Variants in FBN1 observed in about 807,000 individuals in gnomAD.
The protein encoded by FBN1 is fibrillin 1.
Under a neutral mutation model 365.1 loss-of-function variants are expected in FBN1, and 29 were observed. That is an observed-to-expected ratio of 0.08 (90% CI 0.06 to 0.11). The LOEUF (loss-of-function observed/expected upper bound fraction) is 0.11, where lower values mean the gene tolerates loss of function less well. FBN1 is among the 10% of genes least tolerant of loss of function. FBN1 has a pLI of 1.00. For missense variants in FBN1, 2,476 were observed against 3,703.2 expected (o/e 0.67, Z 8.60); for synonymous variants, 1,210 against 1,270.5 (o/e 0.95, Z 1.01).
At chr15:48,476,089 C>T (rs2043415995) in intron 32 of FBN1, among the ~76,000 whole-genome samples, 1 of 152,166 alleles carries the variant, frequency 6.6e-6, no homozygotes, top group South Asian at 2.1e-4. Flanking sequence ...GAGCATGGCA[C>T]ATTCCAAGGA....
At chr15:48,622,226 C>T (rs537943796) in intron 2 of FBN1, among the ~76,000 whole-genome samples, 3 of 152,298 alleles carry the variant, frequency 2.0e-5, no homozygotes, top group African/African-American at 7.2e-5. Flanking sequence ...GTGACTAAGA[C>T]ACACAGTCTT....
In FBN1 at chr15:48,468,114, A is replaced by G. The variant is rs1326100045; in HGVS notation, c.4583-12T>C. On this transcript the variant is annotated splice_polypyrimidine_tract_variant and intron_variant, in intron 37 of 65. Coordinates refer to ENST00000316623, the MANE Select transcript of FBN1 (RefSeq NM_000138.5). Reference sequence around the variant, plus strand: ...TCCAGAGCGGGTATCTATTTACCATATACAAACACAAAAGCATCAGGCAGA... The same window carrying G: ...TCCAGAGCGGGTATCTATTTACCATGTACAAACACAAAAGCATCAGGCAGA... 6.2e-7 allele frequency: 1 copy of G among 1,614,064 alleles called. No individual in the cohort carries two copies. Among genetic ancestry groups the G allele is most frequent in the Non-Finnish European group, 8.5e-7 (1 of 1,179,964 alleles).
intron 6 of FBN1, among the ~76,000 whole-genome samples, chr15:48,564,210 T>C (rs938045575): frequency 7.2e-5 from 11 of 152,166 alleles, no homozygotes; most frequent in African/African-American, 2.7e-4. Flanking sequence ...TGAACTTTGC[T>C]CACCCATCAC....
chr15:48,539,790 A>G (rs2044043425), intron 6 of FBN1, among the ~76,000 whole-genome samples: 1 of 147,084 alleles, frequency 6.8e-6, no homozygotes, highest in Admixed American at 6.7e-5. Flanking sequence ...TCTGTTTATC[A>G]TTTGTCTTTT....
At chr15:48,579,359 A>G (rs1317553884) in intron 6 of FBN1, among the ~76,000 whole-genome samples, 1 of 152,200 alleles carries the variant, frequency 6.6e-6, no homozygotes, top group Non-Finnish European at 1.5e-5. Flanking sequence ...ACAGTTATAT[A>G]ATTCCTGTTT....
chr15:48,581,183 T>C (rs188394510), intron 6 of FBN1, among the ~76,000 whole-genome samples: 44 of 152,340 alleles, frequency 2.9e-4, no homozygotes, highest in African/African-American at 9.1e-4. Context: ...GCCACTGTAA[T>C]TAGACAGTCA....
intron 33 of FBN1, 54 bp downstream of exon 33, chr15:48,474,474 T>A: frequency 1.2e-6 from 2 of 1,613,570 alleles, no homozygotes; most frequent in Non-Finnish European, 1.7e-6. Flanking sequence ...AATATTTTCA[T>A]ATGTGTAATC....
At chr15:48,506,923 T>G (rs2043713485) in intron 15 of FBN1, among the ~76,000 whole-genome samples, 2 of 152,124 alleles carry the variant, frequency 1.3e-5, no homozygotes, top group East Asian at 1.9e-4. Context: ...TGTGGAGCTC[T>G]CTCTCTCTCT....
chr15:48,416,745 A>G (rs2141216182), intron 63 of FBN1: 1 of 152,302 alleles, frequency 6.6e-6, no homozygotes, highest in Admixed American at 6.5e-5. Flanking sequence ...CTGCCTTTGC[A>G]GGGCAGGTTG....
chr15:48,427,205 T>C (rs1214561604), intron 58 of FBN1, among the ~76,000 whole-genome samples: 1 of 152,240 alleles, frequency 6.6e-6, no homozygotes. Context: ...GTTTTAGGAG[T>C]TCCACATCTT....
At chr15:48,468,183 G>A (rs1488617811) in intron 37 of FBN1, 81 bp from the exon 38 acceptor site, 1 of 1,550,022 alleles carries the variant, frequency 6.5e-7, no homozygotes, top group South Asian at 1.1e-5. Flanking sequence ...TTCAGGAACT[G>A]TTCAAAAACC....
intron 13 of FBN1, among the ~76,000 whole-genome samples, chr15:48,512,480 C>T (rs370790082): frequency 1.3e-5 from 2 of 152,184 alleles, no homozygotes; most frequent in South Asian, 2.1e-4. Flanking sequence ...CCTCCTCCAA[C>T]CCTCCACCCT....
At chr15:48,597,790 G>A (rs1465505635) in intron 5 of FBN1, among the ~76,000 whole-genome samples, 1 of 152,192 alleles carries the variant, frequency 6.6e-6, no homozygotes, top group Non-Finnish European at 1.5e-5. Flanking sequence ...GGAGAATGAA[G>A]AGCTTCTAAA....
intron 44 of FBN1, among the ~76,000 whole-genome samples, chr15:48,453,380 G>GA (rs1190665231): frequency 6.6e-6 from 1 of 151,304 alleles, no homozygotes; most frequent in Non-Finnish European, 1.5e-5. Context: ...ATTACTAAGC[G>GA]AATCAGAAGC....
At chr15:48,420,618 A>G (rs1230854609) in intron 63 of FBN1, 69 bp downstream of exon 63, 3 of 1,597,976 alleles carry the variant, frequency 1.9e-6, no homozygotes, top group African/African-American at 1.3e-5. Flanking sequence ...CAGCTTCAGA[A>G]AGCAAGCAGT....
intron 50 of FBN1, among the ~76,000 whole-genome samples, chr15:48,439,907 T>C (rs1471742353): frequency 6.6e-6 from 1 of 152,222 alleles, no homozygotes; most frequent in Non-Finnish European, 1.5e-5. Context: ...CTGAGTCCCA[T>C]GGCATTCGCT....
chr15:48,458,238 G>A (rs1408921489), intron 43 of FBN1, among the ~76,000 whole-genome samples: 1 of 152,186 alleles, frequency 6.6e-6, no homozygotes, highest in Non-Finnish European at 1.5e-5. Context: ...GAGCCTACAA[G>A]AGCTGCTGCA....
intron 4 of FBN1, among the ~76,000 whole-genome samples, chr15:48,602,875 A>C (rs899074312): frequency 6.6e-6 from 1 of 152,234 alleles, no homozygotes; most frequent in Non-Finnish European, 1.5e-5. Flanking sequence ...ATCCTATCTT[A>C]GAAAAACAGT....
At chr15:48,468,581 G>A (rs781052197) in intron 36 of FBN1, 47 bp from the exon 37 acceptor site, 1 of 1,610,580 alleles carries the variant, frequency 6.2e-7, no homozygotes, top group Non-Finnish European at 8.5e-7. Flanking sequence ...AGCCAGTGTA[G>A]GCAGACATCA....
Sources: gnomAD v4.1 joint callset for allele counts (sites outside exome capture counted in the v4.1 genomes callset) on GRCh38, gnomAD v4.1.1 for gene constraint, MANE v1.5 for transcripts, NCBI Gene and HGNC (gene_info 2026-07-23, HGNC 2026-07-21) for gene names.